The following EHBP1 variants were observed in gnomAD, a reference collection of about 807,000 sequenced individuals.
EHBP1 encodes EH domain-binding protein 1.
A neutral mutation model predicts 144.0 loss-of-function variants in EHBP1; 55 were observed. That is an observed-to-expected ratio of 0.38 (90% CI 0.31 to 0.48). The LOEUF is 0.48. Ranked by LOEUF, EHBP1 falls within the 20% of genes least tolerant of loss-of-function variation. EHBP1 has a pLI of 0.98. For synonymous variants in EHBP1, 469 were observed against 472.7 expected, an observed-to-expected ratio of 0.99 and a Z score of 0.10; for missense variants, 1,200 against 1,364.2, an observed-to-expected ratio of 0.88 and a Z score of 1.90.
At chr2:62,820,710 G>GGT (rs374529607) in intron 5 of EHBP1, among the ~76,000 whole-genome samples, 946 of 88,580 alleles carry the variant, frequency 0.011, 14 homozygotes, top group Middle Eastern at 0.021. Flanking sequence ...TATTCCATTG[G>GGT]GTGTGTGTGT....
intron 4 of EHBP1, among the ~76,000 whole-genome samples, chr2:62,765,092 G>A (rs1426005531): frequency 6.6e-6 from 1 of 152,022 alleles, no homozygotes; most frequent in Non-Finnish European, 1.5e-5. Flanking sequence ...AGACAGTAGA[G>A]GGAGAGTAGG....
At chr2:62,994,170 T>G in intron 18 of EHBP1, 193 bp downstream of exon 18, 1 of 356,298 alleles carries the variant, frequency 2.8e-6, no homozygotes, top group Non-Finnish European at 5.2e-6. Flanking sequence ...TAAAAAAAAA[T>G]GAATTTTTCA....
At chr2:62,766,604 A>T (rs2041207899) in intron 4 of EHBP1, among the ~76,000 whole-genome samples, 1 of 152,106 alleles carries the variant, frequency 6.6e-6, no homozygotes, top group Non-Finnish European at 1.5e-5. Context: ...AGTAAGTTAA[A>T]TGGGCATGTA....
chr2:62,937,495 A>G (rs887120814), intron 10 of EHBP1, among the ~76,000 whole-genome samples: 1 of 152,214 alleles, frequency 6.6e-6, no homozygotes, highest in African/African-American at 2.4e-5. Context: ...GAAGAACTGA[A>G]TATATTATAG....
intron 2 of EHBP1, among the ~76,000 whole-genome samples, chr2:62,743,295 A>C (rs565735540): frequency 1.3e-5 from 2 of 152,140 alleles, no homozygotes; most frequent in South Asian, 4.1e-4. Context: ...ACAAATTTTA[A>C]ATTTAGTAAT....
intron 10 of EHBP1, among the ~76,000 whole-genome samples, chr2:62,925,178 T>C (rs2055398451): frequency 6.6e-6 from 1 of 152,190 alleles, no homozygotes; most frequent in East Asian, 1.9e-4. Context: ...ATAAAACTCT[T>C]AATAATTAGG....
At chr2:62,826,362 A>G (rs1331745350) in intron 6 of EHBP1, 94 bp downstream of exon 6, 4 of 1,149,050 alleles carry the variant, frequency 3.5e-6, no homozygotes, top group Non-Finnish European at 4.7e-6. Context: ...AACATCTTAC[A>G]GCATACCAAT....
At chr2:62,982,179 A>G (rs12612046) in intron 15 of EHBP1, among the ~76,000 whole-genome samples, 13,783 of 152,218 alleles carry the variant, frequency 0.091, 820 homozygotes, top group Non-Finnish European at 0.13. Context: ...AAATTCAATG[A>G]TTCATATACA....
intron 19 of EHBP1, among the ~76,000 whole-genome samples, chr2:63,002,467 T>G (rs562791877): frequency 6.6e-6 from 1 of 152,138 alleles, no homozygotes; most frequent in Non-Finnish European, 1.5e-5. Context: ...CTCAGTGTAT[T>G]AGAAGAACTT....
intron 14 of EHBP1, among the ~76,000 whole-genome samples, chr2:62,974,656 G>T (rs1297889355): frequency 2.0e-5 from 3 of 152,130 alleles, no homozygotes; most frequent in Non-Finnish European, 2.9e-5. Context: ...ATATCTAAAG[G>T]TTGAGTGGAT....
chr2:63,013,934 T>A (rs1343902359), intron 19 of EHBP1, among the ~76,000 whole-genome samples: 1 of 152,242 alleles, frequency 6.6e-6, no homozygotes, highest in Non-Finnish European at 1.5e-5. Flanking sequence ...TCAGCCCCAC[T>A]CATACTCTTC....
chr2:62,892,956 T>A (rs1444036965), intron 10 of EHBP1, among the ~76,000 whole-genome samples: 1 of 152,164 alleles, frequency 6.6e-6, no homozygotes, highest in Non-Finnish European at 1.5e-5. Flanking sequence ...CAAACATATG[T>A]GTACTTCATT....
At chr2:62,828,768 T>A (rs936370534) in intron 6 of EHBP1, among the ~76,000 whole-genome samples, 17 of 152,228 alleles carry the variant, frequency 1.1e-4, no homozygotes, top group African/African-American at 4.8e-5. Context: ...TTGCAAACTG[T>A]CTCACTGTTT....
intron 5 of EHBP1, among the ~76,000 whole-genome samples, chr2:62,803,618 C>T (rs1167967474): frequency 3.3e-5 from 5 of 152,088 alleles, no homozygotes; most frequent in Non-Finnish European, 7.3e-5. Flanking sequence ...TGTTCATGCC[C>T]ACCCATTGCC....
At chr2:62,868,503 T>C (rs2050212915) in intron 9 of EHBP1, among the ~76,000 whole-genome samples, 1 of 152,192 alleles carries the variant, frequency 6.6e-6, no homozygotes, top group Admixed American at 6.5e-5. Flanking sequence ...AATGGTTAAT[T>C]TGTACTTCAT....
chr2:62,799,904 A>G (rs950864202), intron 5 of EHBP1, among the ~76,000 whole-genome samples: 1 of 152,198 alleles, frequency 6.6e-6, no homozygotes, highest in Non-Finnish European at 1.5e-5. Context: ...GGAGGAGGAG[A>G]TGAAATGTTC....
intron 15 of EHBP1, chr2:62,988,075 A>T: frequency 8.5e-7 from 1 of 1,181,162 alleles, no homozygotes; most frequent in Non-Finnish European, 1.3e-6. Flanking sequence ...GTCCTGCTGC[A>T]TGGCAAACTT....
At chr2:62,720,198 G>T (rs2036090321) in intron 2 of EHBP1, among the ~76,000 whole-genome samples, 1 of 152,096 alleles carries the variant, frequency 6.6e-6, no homozygotes, top group Non-Finnish European at 1.5e-5. Context: ...TTGGCTTGGG[G>T]GTGAGGGAGT....
intron 1 of EHBP1, among the ~76,000 whole-genome samples, chr2:62,690,766 A>T (rs1033123837): frequency 6.6e-6 from 1 of 152,134 alleles, no homozygotes; most frequent in African/African-American, 2.4e-5. Flanking sequence ...AGGTCAGGAA[A>T]CTGAGACAGA....
Sources: gnomAD v4.1 joint callset for allele counts (sites outside exome capture counted in the v4.1 genomes callset) on GRCh38, gnomAD v4.1.1 for gene constraint, MANE v1.5 for transcripts, NCBI Gene and HGNC (gene_info 2026-07-23, HGNC 2026-07-21) for gene names.